PCDHGA3: variants seen among roughly 807,000 people sequenced by gnomAD.
PCDHGA3 encodes protocadherin gamma-A3.
In PCDHGA3, 40 loss-of-function variants were observed where a neutral mutation model predicts 58.5. The observed-to-expected ratio is 0.68, with a 90% CI of 0.53 to 0.89. The LOEUF (loss-of-function observed/expected upper bound fraction) is 0.89, where lower values mean the gene tolerates loss of function less well. Among genes scored for constraint, PCDHGA3 ranks in the 40% least tolerant of loss-of-function variants. PCDHGA3 has a pLI of 0.00. For missense variants in PCDHGA3, 1,223 were observed against 1,195.9 expected (o/e 1.02, Z -0.33); for synonymous variants, 530 against 525.7 (o/e 1.01, Z -0.11).
At chr5:141,382,969 T>G in intron 1 of PCDHGA3, 2 of 1,609,418 alleles carry the variant, frequency 1.2e-6, no homozygotes, top group Non-Finnish European at 8.5e-7. Context: ...GGGGACCCCC[T>G]GGGAAGCCTG....
chr5:141,414,000 A>T (rs759228883), intron 1 of PCDHGA3: 2 of 1,613,282 alleles, frequency 1.2e-6, no homozygotes, highest in African/African-American at 2.7e-5. Flanking sequence ...ACAGGGACGA[A>T]GGTGCCAATG....
chr5:141,404,132 T>C, intron 1 of PCDHGA3: 1 of 1,613,136 alleles, frequency 6.2e-7, no homozygotes, highest in Non-Finnish European at 8.5e-7. Context: ...ATCTTTTACA[T>C]TAGAAAATTC....
chr5:141,434,861 T>C (rs1157640770), intron 1 of PCDHGA3, among the ~76,000 whole-genome samples: 1 of 151,998 alleles, frequency 6.6e-6, no homozygotes, highest in Non-Finnish European at 1.5e-5. Context: ...TAAATTTATA[T>C]ATATGTGACA....
intron 1 of PCDHGA3, chr5:141,395,029 AT>A: frequency 6.2e-7 from 1 of 1,613,976 alleles, no homozygotes. Context: ...CCTGCCTCAC[AT>A]TTTGTGGGTG....
chr5:141,423,058 A>G (rs1235938743), intron 1 of PCDHGA3: 3 of 1,614,022 alleles, frequency 1.9e-6, no homozygotes, highest in African/African-American at 2.7e-5. Flanking sequence ...TCGCCTGCTT[A>G]AGGCCAGCGA....
Position 141,485,890 on chromosome 5 carries a change from C to G in PCDHGA3, c.2425-8917C>G. 4 of 1,614,156 alleles carry G rather than the reference C, an allele frequency of 2.5e-6. No individual in the cohort carries two copies. Among genetic ancestry groups the G allele is most frequent in the Non-Finnish European group, 2.5e-6 (3 of 1,180,022 alleles). The stretch of plus-strand genomic sequence containing the variant: ...CCGTGCTGGACGTAAACGACAACGC[C>G]CCAGCCTTCCAGCAATCCAGCTACA... On this transcript the variant is annotated intron_variant, in intron 1 of 3. Coordinates refer to ENST00000253812, the MANE Select transcript of PCDHGA3 (RefSeq NM_018916.4). The surrounding 1 kb of genome is among the most constrained non-coding windows in gnomAD (Gnocchi z 5.7).
chr5:141,417,768 C>A lies in PCDHGA3; in HGVS notation c.2424+71311C>A, dbSNP rs1444250512. On this transcript the variant is annotated intron_variant, in intron 1 of 3. Coordinates refer to ENST00000253812, the MANE Select transcript of PCDHGA3 (RefSeq NM_018916.4). ...ATTGCCAGCTCCGAGACCCGGGACT[C>A]CTCCTGTCCTGGGCCGAATGCTCTT... is the stretch of plus-strand genomic sequence containing the variant. 1.3e-5 allele frequency: 19 copies of A among 1,451,358 alleles called. No individual in the cohort carries two copies. In the South Asian group the frequency reaches 1.7e-4, roughly 13 times the overall value. The allele number at this position is 1,451,358 out of a possible 1,614,324, so 89.9% of individuals were successfully genotyped here. A position where few individuals can be genotyped will look rare whatever the true frequency, so the allele number is the denominator to read the frequency against.
rs199537783 is a variant in PCDHGA3 at position 141,389,536 on chromosome 5, A to G, written c.2424+43079A>G. 177 of 1,613,198 alleles carry G rather than the reference A, an allele frequency of 1.1e-4. No individual in the cohort carries two copies. Among genetic ancestry groups the G allele is most frequent in the Middle Eastern group, 9.9e-4 (6 of 6,036 alleles). On this transcript the variant is annotated intron_variant, in intron 1 of 3. Coordinates refer to ENST00000253812, the MANE Select transcript of PCDHGA3 (RefSeq NM_018916.4). ...AACGTGAGCCTGCGCGTGTTAGTGG[A>G]CGACCGCAACGACAATGCGCCACGG...
chr5:141,499,551 A>T (rs1178321389), intron 2 of PCDHGA3, among the ~76,000 whole-genome samples: 1 of 152,200 alleles, frequency 6.6e-6, no homozygotes, highest in Non-Finnish European at 1.5e-5. Flanking sequence ...AACCTGTATG[A>T]TACCACTATC....
At chr5:141,374,085 TG>T (rs1282444417) in intron 1 of PCDHGA3, 2 of 1,528,732 alleles carry the variant, frequency 1.3e-6, no homozygotes, top group Non-Finnish European at 1.8e-6. Flanking sequence ...AAGCCAGTAA[TG>T]GCGCCTCCGC....
chr5:141,418,430 T>G (rs1331082135), intron 1 of PCDHGA3: 1 of 1,613,908 alleles, frequency 6.2e-7, no homozygotes, highest in South Asian at 1.1e-5. Flanking sequence ...TGGTGGCAAA[T>G]ATCCAGAATT....
rs1423149 is a variant in PCDHGA3, at chr5:141,487,780, C to G, written c.2425-7027C>G. ...TAGACGCTGTGCTTTGTAACTGTTTCGTGAATTAACCAGAGTTGTCACAGT... is the reference window on the plus strand; with the variant it reads ...TAGACGCTGTGCTTTGTAACTGTTTGGTGAATTAACCAGAGTTGTCACAGT... On this transcript the variant is annotated intron_variant, in intron 1 of 3. Transcript: ENST00000253812. This position sits in a 1 kb window ranked among gnomAD's most constrained non-coding sequence, Gnocchi z 5.0. 6.6e-7 allele frequency: 1 copy of G among 1,526,704 alleles called. No individual in the cohort carries two copies. The allele number at this position is 1,526,704 out of a possible 1,614,324, so 94.6% of individuals were successfully genotyped here. A position where few individuals can be genotyped will look rare whatever the true frequency, so the allele number is the denominator to read the frequency against.
Position 141,490,447 on chromosome 5 carries a change from C to A in PCDHGA3, c.2425-4360C>A, listed in dbSNP as rs1273424450. 1.2e-6 allele frequency: 2 copies of A among 1,614,196 alleles called. No homozygotes were observed. The highest frequency in any genetic ancestry group is 1.7e-5 in the Admixed American group (1 of 60,030). Reference sequence around the variant, plus strand: ...ATTTCAGATTAAGCCTTCTGAGAACCACTACTCGCTGCTAACCAGCCAGCC... The same window carrying A: ...ATTTCAGATTAAGCCTTCTGAGAACAACTACTCGCTGCTAACCAGCCAGCC... On this transcript the variant is annotated intron_variant, in intron 1 of 3. Coordinates refer to ENST00000253812, the MANE Select transcript of PCDHGA3 (RefSeq NM_018916.4). This position sits in a 1 kb window ranked among gnomAD's most constrained non-coding sequence, Gnocchi z 5.4.
chr5:141,409,697 C>A (rs372548874), intron 1 of PCDHGA3: 1 of 1,613,178 alleles, frequency 6.2e-7, no homozygotes, highest in African/African-American at 1.3e-5. Context: ...CCTAGAGCCC[C>A]TGGCGGTGTC....
At chr5:141,467,099 C>T (rs2099136810) in intron 1 of PCDHGA3, among the ~76,000 whole-genome samples, 1 of 149,976 alleles carries the variant, frequency 6.7e-6, no homozygotes, top group Admixed American at 6.7e-5. Context: ...GTCACACAGG[C>T]TGGAGTACAA....
chr5:141,423,078 C>T (rs752144906), intron 1 of PCDHGA3: 2 of 1,614,108 alleles, frequency 1.2e-6, no homozygotes, highest in Non-Finnish European at 1.7e-6. Context: ...AGCCGGGACT[C>T]TTCGCGGTGG....
Position 141,372,073 on chromosome 5 carries a change from C to T in PCDHGA3, c.2424+25616C>T, listed in dbSNP as rs774208540. 6.2e-7 allele frequency: 1 copy of T among 1,613,648 alleles called. No homozygotes were observed. Among genetic ancestry groups the T allele is most frequent in the East Asian group, 2.2e-5 (1 of 44,880 alleles). On this transcript the variant is annotated intron_variant, in intron 1 of 3. Coordinates refer to ENST00000253812, the MANE Select transcript of PCDHGA3 (RefSeq NM_018916.4). ...GTGGACGACCGCAACGACAATGCACCGCTGGTGCTGTACCCAGCTCTGGGG... is the reference window on the plus strand; with the variant it reads ...GTGGACGACCGCAACGACAATGCACTGCTGGTGCTGTACCCAGCTCTGGGG...
chr5:141,358,051 G>A (rs1426073021), intron 1 of PCDHGA3, among the ~76,000 whole-genome samples: 5 of 152,130 alleles, frequency 3.3e-5, no homozygotes, highest in Non-Finnish European at 7.3e-5. Context: ...TTAGCTAGGC[G>A]TGGTGGTGTG....
intron 1 of PCDHGA3, among the ~76,000 whole-genome samples, chr5:141,420,762 T>A (rs1221355822): frequency 6.6e-6 from 1 of 152,222 alleles, no homozygotes; most frequent in Non-Finnish European, 1.5e-5. Context: ...AACCTACAAG[T>A]TTTCAGCTCC....
Sources: allele counts gnomAD v4.1 joint callset (sites outside exome capture counted in the v4.1 genomes callset), GRCh38; gene constraint gnomAD v4.1.1; non-coding constraint Gnocchi (gnomAD v3.1); transcripts MANE v1.5; gene names NCBI Gene and HGNC (gene_info 2026-07-23, HGNC 2026-07-21).